Variants in GRM8 observed in about 807,000 individuals in gnomAD.
GRM8 encodes glutamate metabotropic receptor 8, also known as metabotropic glutamate receptor 8.
A neutral mutation model predicts 87.2 loss-of-function variants in GRM8; 47 were observed. That is an observed-to-expected ratio of 0.54 (90% CI 0.43 to 0.69). The LOEUF (loss-of-function observed/expected upper bound fraction) is 0.69, where lower values mean the gene tolerates loss of function less well. Among genes scored for constraint, GRM8 ranks in the 30% least tolerant of loss-of-function variants. The pLI, the probability that GRM8 is intolerant of heterozygous loss-of-function variation, is 0.00. For synonymous variants in GRM8, 396 were observed against 404.5 expected (o/e 0.98, Z 0.25); for missense variants, 1,019 against 1,139.2 (o/e 0.89, Z 1.52).
At chr7:126,972,213 T>C (rs967881411) in intron 3 of GRM8, among the ~76,000 whole-genome samples, 1 of 152,206 alleles carries the variant, frequency 6.6e-6, no homozygotes, top group Admixed American at 6.5e-5. Context: ...TGGGAAATGC[T>C]GTGGATAATA....
chr7:126,521,803 G>A (rs958772083), intron 9 of GRM8, among the ~76,000 whole-genome samples: 1 of 152,116 alleles, frequency 6.6e-6, no homozygotes. Context: ...TAAATTGGAT[G>A]CATCATTTAC....
chr7:126,907,066 G>A (rs1021201184), intron 3 of GRM8, among the ~76,000 whole-genome samples: 2 of 151,580 alleles, frequency 1.3e-5, no homozygotes, highest in Non-Finnish European at 2.9e-5. Context: ...AAGAAGAAGA[G>A]AAAAAGAATG....
intron 2 of GRM8, among the ~76,000 whole-genome samples, chr7:127,239,175 T>C (rs1798148300): frequency 6.6e-6 from 1 of 152,214 alleles, no homozygotes; most frequent in African/African-American, 2.4e-5. Flanking sequence ...GTAAAATACA[T>C]GGCCTTCCTA....
chr7:127,127,005 A>T (rs1045854342), intron 2 of GRM8, among the ~76,000 whole-genome samples: 1 of 152,068 alleles, frequency 6.6e-6, no homozygotes, highest in East Asian at 1.9e-4. Flanking sequence ...GGGAAATTAA[A>T]ATTAAAATCA....
At chr7:127,055,839 G>T (rs1000761463) in intron 3 of GRM8, among the ~76,000 whole-genome samples, 2 of 151,978 alleles carry the variant, frequency 1.3e-5, no homozygotes, top group Non-Finnish European at 2.9e-5. Context: ...GAAGTGAATT[G>T]CTAGGGTAAA....
intron 8 of GRM8, among the ~76,000 whole-genome samples, chr7:126,559,104 T>C (rs1285181657): frequency 6.6e-6 from 1 of 151,894 alleles, no homozygotes; most frequent in East Asian, 1.9e-4. Flanking sequence ...TCAGAACAAG[T>C]TTGATACTGA....
chr7:127,104,741 T>C (rs776501661), intron 3 of GRM8, among the ~76,000 whole-genome samples: 4 of 152,158 alleles, frequency 2.6e-5, no homozygotes, highest in Admixed American at 2.6e-4. Flanking sequence ...ATGACTATGA[T>C]AGAAACAGGA....
chr7:127,098,894 A>T (rs978546344), intron 3 of GRM8, among the ~76,000 whole-genome samples: 10 of 152,182 alleles, frequency 6.6e-5, no homozygotes, highest in African/African-American at 2.4e-4. Context: ...AAACATGATG[A>T]CTGATTAAAG....
chr7:126,722,985 T>A (rs924533726), intron 7 of GRM8, among the ~76,000 whole-genome samples: 8 of 145,678 alleles, frequency 5.5e-5, no homozygotes, highest in African/African-American at 2.0e-4. Context: ...TTACATATAT[T>A]ATATATAATT....
chr7:127,047,936 T>C (rs1019263927), intron 3 of GRM8, among the ~76,000 whole-genome samples: 3 of 152,208 alleles, frequency 2.0e-5, no homozygotes, highest in African/African-American at 7.2e-5. Flanking sequence ...ATAACCAATA[T>C]ATAGCTAGGT....
At chr7:126,992,628 G>T (rs1332862500) in intron 3 of GRM8, among the ~76,000 whole-genome samples, 1 of 152,102 alleles carries the variant, frequency 6.6e-6, no homozygotes, top group African/African-American at 2.4e-5. Context: ...TATTTCTATG[G>T]AGTGAATTTT....
intron 3 of GRM8, among the ~76,000 whole-genome samples, chr7:126,931,984 A>G (rs1180845476): frequency 6.6e-6 from 1 of 152,174 alleles, no homozygotes; most frequent in Non-Finnish European, 1.5e-5. Flanking sequence ...TTACTATGCT[A>G]ATTAACATTC....
chr7:126,608,520 A>G (rs76563319), intron 8 of GRM8, among the ~76,000 whole-genome samples: 3,398 of 152,176 alleles, frequency 0.022, 120 homozygotes, highest in African/African-American at 0.078. Flanking sequence ...TCGCCCTCAC[A>G]TGGCCACTTG....
At chr7:126,450,804 C>G (rs1256135896) in intron 9 of GRM8, among the ~76,000 whole-genome samples, 2 of 151,846 alleles carry the variant, frequency 1.3e-5, no homozygotes, top group South Asian at 2.1e-4. Context: ...AAACCACTAC[C>G]AAGCTCATAT....
chr7:126,799,049 T>C (rs1428303812), intron 6 of GRM8, among the ~76,000 whole-genome samples: 1 of 152,064 alleles, frequency 6.6e-6, no homozygotes, highest in Admixed American at 6.6e-5. Flanking sequence ...GAGTTGAAAA[T>C]GGGCCAAAGA....
chr7:126,452,433 T>TA (rs34338362), intron 9 of GRM8, among the ~76,000 whole-genome samples: 49,028 of 143,752 alleles, frequency 0.34, 9,051 homozygotes, highest in African/African-American at 0.51. Context: ...TAAAGTATAA[T>TA]AAAAAAAAAA....
intron 6 of GRM8, among the ~76,000 whole-genome samples, chr7:126,841,870 T>C (rs1248442530): frequency 1.3e-5 from 2 of 151,922 alleles, no homozygotes; most frequent in Admixed American, 1.3e-4. Flanking sequence ...CTGACCTCGT[T>C]ATCTGCCCGC....
At position 126,801,594 on chromosome 7, in the gene GRM8, C is replaced by T. The variant is rs921271212; in HGVS notation, c.1157-31529G>A. On this transcript the variant is annotated intron_variant, in intron 6 of 10. Coordinates refer to ENST00000339582, the MANE Select transcript of GRM8 (RefSeq NM_000845.3). ...GCTTATTAATTAAATATTTTCTTTT[C>T]TGTATTATATAATTTTCTATAATAC... is the stretch of plus-strand genomic sequence containing the variant. Among the ~76,000 whole-genome samples, 16 of 75,778 alleles carry T rather than the reference C, an allele frequency of 2.1e-4. 1 individual carries two copies. In the Admixed American group the frequency reaches 2.4e-3, roughly 11 times the overall value. The allele number at this position is 75,778 out of a possible 152,430, so 49.7% of individuals were successfully genotyped here.
intron 6 of GRM8, among the ~76,000 whole-genome samples, chr7:126,892,181 T>G (rs1271540147): frequency 2.0e-5 from 3 of 152,076 alleles, no homozygotes; most frequent in African/African-American, 4.8e-5. Flanking sequence ...TCAGGGTACA[T>G]GTGCACAATG....
Sources: allele counts gnomAD v4.1 joint callset (sites outside exome capture counted in the v4.1 genomes callset), GRCh38; gene constraint gnomAD v4.1.1; transcripts MANE v1.5; gene names NCBI Gene and HGNC (gene_info 2026-07-23, HGNC 2026-07-21).